The following LRP1B variants were observed in gnomAD, a reference collection of about 807,000 sequenced individuals.
LRP1B encodes low-density lipoprotein receptor-related protein 1B.
LRP1B carries 217 observed loss-of-function variants against 556.6 expected under a neutral mutation model. The ratio of observed to expected loss-of-function variants is 0.39; its 90% CI spans 0.35 to 0.44. The LOEUF is 0.44. Ranked by LOEUF, LRP1B falls within the 20% of genes least tolerant of loss-of-function variation. The pLI is 1.00. For synonymous variants in LRP1B, 2,047 were observed against 1,865.8 expected, an observed-to-expected ratio of 1.10 and a Z score of -2.50; for missense variants, 5,053 against 5,620.8, an observed-to-expected ratio of 0.90 and a Z score of 3.23.
chr2:141,959,887 GAAGT>G (rs1448381376), intron 1 of LRP1B, among the ~76,000 whole-genome samples: 2 of 151,918 alleles, frequency 1.3e-5, no homozygotes, highest in Non-Finnish European at 2.9e-5. Context: ...ATCTGCATTT[GAAGT>G]AAGTTGCTTC....
At chr2:141,312,244 T>C (rs1028232) in intron 3 of LRP1B, among the ~76,000 whole-genome samples, 137,995 of 152,168 alleles carry the variant, frequency 0.91, 62,745 homozygotes, top group Middle Eastern at 0.97. Flanking sequence ...GACCCCTCAT[T>C]TTCCTCCTCT....
chr2:142,084,793 A>G (rs1159533617), intron 1 of LRP1B, among the ~76,000 whole-genome samples: 2 of 152,186 alleles, frequency 1.3e-5, no homozygotes, highest in Admixed American at 1.3e-4. Context: ...GCTGTACTTT[A>G]AAAGAACACT....
At chr2:140,939,890 T>A (rs1695345795) in intron 20 of LRP1B, among the ~76,000 whole-genome samples, 1 of 149,734 alleles carries the variant, frequency 6.7e-6, no homozygotes, top group African/African-American at 2.5e-5. Flanking sequence ...GTGTAATTTT[T>A]TTTTTTTTTT....
chr2:142,015,137 A>G (rs1703078101), intron 1 of LRP1B, among the ~76,000 whole-genome samples: 1 of 152,202 alleles, frequency 6.6e-6, no homozygotes, highest in African/African-American at 2.4e-5. Context: ...AAATATTACT[A>G]GTCAACAGAA....
At chr2:141,754,554 G>T (rs7558387) in intron 2 of LRP1B, among the ~76,000 whole-genome samples, 1 of 152,016 alleles carries the variant, frequency 6.6e-6, no homozygotes, top group Non-Finnish European at 1.5e-5. Context: ...CAACATATAG[G>T]TATGTGTATG....
intron 1 of LRP1B, among the ~76,000 whole-genome samples, chr2:141,862,463 ATGT>A (rs1440181032): frequency 6.6e-6 from 1 of 152,128 alleles, no homozygotes; most frequent in African/African-American, 2.4e-5. Flanking sequence ...CTGGAGTATA[ATGT>A]TGTACAAATC....
At chr2:140,562,383 T>A (rs1321179248) in intron 43 of LRP1B, among the ~76,000 whole-genome samples, 1 of 152,168 alleles carries the variant, frequency 6.6e-6, no homozygotes, top group Non-Finnish European at 1.5e-5. Context: ...TTCACTAACA[T>A]GTTTATAGAT....
At chr2:141,832,017 A>C (rs1379033292) in intron 1 of LRP1B, among the ~76,000 whole-genome samples, 2 of 151,660 alleles carry the variant, frequency 1.3e-5, no homozygotes, top group African/African-American at 2.4e-5. Context: ...AGCCTTGACC[A>C]ATGGTAAATA....
chr2:141,960,336 T>C (rs1701365522), intron 1 of LRP1B, among the ~76,000 whole-genome samples: 1 of 151,850 alleles, frequency 6.6e-6, no homozygotes, highest in Non-Finnish European at 1.5e-5. Context: ...GACCTAATGA[T>C]AGTAATCATT....
At chr2:142,080,541 T>G (rs1030884324) in intron 1 of LRP1B, among the ~76,000 whole-genome samples, 2 of 152,076 alleles carry the variant, frequency 1.3e-5, no homozygotes, top group African/African-American at 4.8e-5. Flanking sequence ...AATAAATAAA[T>G]AAATAAATCA....
intron 7 of LRP1B, among the ~76,000 whole-genome samples, chr2:141,133,290 C>T (rs1035234795): frequency 8.0e-5 from 11 of 137,250 alleles, no homozygotes; most frequent in South Asian, 2.4e-4. Context: ...TGTAACGTCT[C>T]TTTTTTTTTT....
intron 25 of LRP1B, among the ~76,000 whole-genome samples, chr2:140,874,303 C>G (rs1693235144): frequency 6.6e-6 from 1 of 151,968 alleles, no homozygotes; most frequent in South Asian, 2.1e-4. Flanking sequence ...ACACAAAGTT[C>G]AAATGTATTG....
Position 140,740,870 on chromosome 2 carries a change from T to C in LRP1B, c.5759-24054A>G, listed in dbSNP as rs146182850. 4.1e-4 allele frequency among the ~76,000 whole-genome samples: 62 copies of C among 152,192 alleles called. No homozygotes were observed. The East Asian group carries it at 0.011, about 27-fold the overall frequency. On this transcript the variant is annotated intron_variant, in intron 35 of 90. Coordinates refer to ENST00000389484, the MANE Select transcript of LRP1B (RefSeq NM_018557.3). ...ACACCAGTTATATTTGATTAGGGCC[T>C]ACCCACATGACCTCATTTTACCTTA...
chr2:141,249,750 A>AT (rs1173183986), intron 4 of LRP1B, among the ~76,000 whole-genome samples: 1 of 152,204 alleles, frequency 6.6e-6, no homozygotes, highest in Non-Finnish European at 1.5e-5. Flanking sequence ...TATGCAATGC[A>AT]TGAATCCAAT....
intron 82 of LRP1B, among the ~76,000 whole-genome samples, chr2:140,319,291 G>A (rs1352445439): frequency 2.0e-5 from 3 of 152,118 alleles, no homozygotes; most frequent in Non-Finnish European, 2.9e-5. Context: ...CAGAGCCAAT[G>A]TAAAAGTCAC....
chr2:140,246,020 TAAAC>T (rs1274800818), intron 87 of LRP1B, among the ~76,000 whole-genome samples: 2 of 151,424 alleles, frequency 1.3e-5, no homozygotes, highest in Non-Finnish European at 3.0e-5. Context: ...GGCTTATTAA[TAAAC>T]CCAAATTAAT....
chr2:140,475,788 T>G (rs886939975), intron 59 of LRP1B, among the ~76,000 whole-genome samples: 4 of 151,878 alleles, frequency 2.6e-5, no homozygotes, highest in African/African-American at 9.7e-5. Context: ...AAATATGGTA[T>G]CCACTAACCA....
intron 4 of LRP1B, 140 bp from the exon 5 acceptor site, chr2:141,247,494 A>G (rs1194967315): frequency 1.2e-6 from 1 of 855,050 alleles, no homozygotes; most frequent in Non-Finnish European, 1.8e-6. Flanking sequence ...TCAAAACCAC[A>G]CTAACTAAAA....
At chr2:141,303,818 A>C (rs1686484842) in intron 3 of LRP1B, among the ~76,000 whole-genome samples, 1 of 152,138 alleles carries the variant, frequency 6.6e-6, no homozygotes, top group Admixed American at 6.5e-5. Context: ...TTCTAGTTTT[A>C]GTTTTTAAGC....
Sources: allele counts gnomAD v4.1 joint callset (sites outside exome capture counted in the v4.1 genomes callset), GRCh38; gene constraint gnomAD v4.1.1; transcripts MANE v1.5; gene names NCBI Gene and HGNC (gene_info 2026-07-23, HGNC 2026-07-21).